Variants in XYLT1 observed in about 807,000 individuals in gnomAD.
XYLT1 encodes xylosyltransferase 1, also known as beta-D-xylosyltransferase 1.
A neutral mutation model predicts 91.3 loss-of-function variants in XYLT1; 36 were observed. The ratio of observed to expected loss-of-function variants is 0.39; its 90% CI spans 0.30 to 0.52. The LOEUF is 0.52. Ranked by LOEUF, XYLT1 falls within the 20% of genes least tolerant of loss-of-function variation. XYLT1 has a pLI of 0.68. For missense variants in XYLT1, 1,242 were observed against 1,284.5 expected, an observed-to-expected ratio of 0.97 and a Z score of 0.51; for synonymous variants, 588 against 532.0, an observed-to-expected ratio of 1.11 and a Z score of -1.45.
chr16:17,233,723 G>A lies in XYLT1; in HGVS notation c.913+25265C>T, dbSNP rs188035055. Among the ~76,000 whole-genome samples the A allele has an allele frequency of 6.6e-5, 10 of 152,334 alleles. No individual in the cohort carries two copies. In the East Asian group the frequency reaches 1.9e-3, roughly 29 times the overall value. On this transcript the variant is annotated intron_variant, in intron 3 of 11. Transcript: ENST00000261381. ...AGAGTGAGCAAGCAAGCCTGGGCCT[G>A]CAGTTCTCAAGGCAAGGGAGCCTGG...
intron 5 of XYLT1, among the ~76,000 whole-genome samples, chr16:17,168,172 TA>T (rs1179900063): frequency 6.6e-6 from 1 of 152,154 alleles, no homozygotes; most frequent in Non-Finnish European, 1.5e-5. Flanking sequence ...TTAACAATAG[TA>T]AAGACATGGG....
intron 2 of XYLT1, 125 bp from the exon 3 acceptor site, chr16:17,259,623 G>A: frequency 8.5e-7 from 1 of 1,177,330 alleles, no homozygotes; most frequent in Non-Finnish European, 1.2e-6. Flanking sequence ...TCCTACTTTT[G>A]CTACTGGTTT....
chr16:17,371,179 C>T (rs1254233357), intron 1 of XYLT1, among the ~76,000 whole-genome samples: 2 of 152,216 alleles, frequency 1.3e-5, no homozygotes, highest in Non-Finnish European at 2.9e-5. Flanking sequence ...AGTTGACTCC[C>T]ATGGATAGGG....
At chr16:17,413,024 TCAAGA>T (rs748999023) in intron 1 of XYLT1, among the ~76,000 whole-genome samples, 5 of 152,154 alleles carry the variant, frequency 3.3e-5, no homozygotes, top group Non-Finnish European at 5.9e-5. Context: ...CACCTTTTCC[TCAAGA>T]CTAGTCCAGA....
intron 1 of XYLT1, among the ~76,000 whole-genome samples, chr16:17,363,911 T>C (rs2035414422): frequency 6.6e-6 from 1 of 152,168 alleles, no homozygotes; most frequent in South Asian, 2.1e-4. Flanking sequence ...ACTCCTGACC[T>C]CAGGTGATCT....
At chr16:17,393,637 G>A (rs539008695) in intron 1 of XYLT1, among the ~76,000 whole-genome samples, 1 of 152,110 alleles carries the variant, frequency 6.6e-6, no homozygotes, top group Admixed American at 6.6e-5. Context: ...TATGAGTCTG[G>A]GTGTGGTGGC....
At chr16:17,370,485 G>A (rs980945832) in intron 1 of XYLT1, among the ~76,000 whole-genome samples, 2 of 152,218 alleles carry the variant, frequency 1.3e-5, no homozygotes, top group East Asian at 3.9e-4. Flanking sequence ...GGGAGGGCAG[G>A]ATGAGAAAGA....
At chr16:17,179,910 C>A (rs2032029046) in intron 5 of XYLT1, among the ~76,000 whole-genome samples, 1 of 152,190 alleles carries the variant, frequency 6.6e-6, no homozygotes, top group African/African-American at 2.4e-5. Context: ...ATCTTACATA[C>A]TGCAAGCGGC....
chr16:17,350,796 C>G (rs117212962), intron 2 of XYLT1, among the ~76,000 whole-genome samples: 1 of 152,116 alleles, frequency 6.6e-6, no homozygotes, highest in East Asian at 1.9e-4. Flanking sequence ...AAAGGTTAAT[C>G]GAAGCCCAGA....
chr16:17,172,778 T>C (rs933596187), intron 5 of XYLT1, among the ~76,000 whole-genome samples: 1 of 152,174 alleles, frequency 6.6e-6, no homozygotes, highest in African/African-American at 2.4e-5. Flanking sequence ...TGGCCGACTG[T>C]GTTCATTTCT....
At chr16:17,423,225 C>T (rs1216750932) in intron 1 of XYLT1, among the ~76,000 whole-genome samples, 2 of 152,186 alleles carry the variant, frequency 1.3e-5, no homozygotes, top group Non-Finnish European at 2.9e-5. Flanking sequence ...GCTTTCACTG[C>T]CCAGTGGGGC....
intron 2 of XYLT1, among the ~76,000 whole-genome samples, chr16:17,303,794 G>A (rs2034432167): frequency 6.6e-6 from 1 of 152,140 alleles, no homozygotes; most frequent in African/African-American, 2.4e-5. Context: ...GACAATCCAG[G>A]CATTTGACCA....
chr16:17,345,449 G>A (rs1261022185), intron 2 of XYLT1, among the ~76,000 whole-genome samples: 1 of 152,240 alleles, frequency 6.6e-6, no homozygotes, highest in Non-Finnish European at 1.5e-5. Flanking sequence ...AGGAGGCAGT[G>A]CATGGAGGCA....
At chr16:17,187,945 G>A (rs1567314190) in intron 5 of XYLT1, among the ~76,000 whole-genome samples, 1 of 151,870 alleles carries the variant, frequency 6.6e-6, no homozygotes, top group Non-Finnish European at 1.5e-5. Flanking sequence ...TGCATCTCAC[G>A]CTTGCTTCTC....
At chr16:17,157,153 G>A (rs1250237138) in intron 6 of XYLT1, among the ~76,000 whole-genome samples, 1 of 152,044 alleles carries the variant, frequency 6.6e-6, no homozygotes, top group Non-Finnish European at 1.5e-5. Context: ...TTACCATGTT[G>A]GCCAGGCTGG....
At chr16:17,410,645 C>CTTTT (rs954524793) in intron 1 of XYLT1, among the ~76,000 whole-genome samples, 4 of 93,032 alleles carry the variant, frequency 4.3e-5, no homozygotes, top group African/African-American at 7.6e-5. Flanking sequence ...CCTGTCATTA[C>CTTTT]TTTTTTTTTT....
At chr16:17,369,776 G>A (rs1435347195) in intron 1 of XYLT1, 3 of 152,262 alleles carry the variant, frequency 2.0e-5, no homozygotes, top group African/African-American at 7.2e-5. Context: ...GCAGAAGGCA[G>A]AACAGGAAGA....
At chr16:17,129,557 C>T (rs758656458) in intron 9 of XYLT1, among the ~76,000 whole-genome samples, 83 of 152,276 alleles carry the variant, frequency 5.5e-4, no homozygotes, top group Middle Eastern at 3.4e-3. Context: ...TCAGCCACTG[C>T]GCCAGGCCAA....
At chr16:17,164,576 T>C (rs764290533) in intron 5 of XYLT1, among the ~76,000 whole-genome samples, 13 of 152,202 alleles carry the variant, frequency 8.5e-5, no homozygotes, top group Non-Finnish European at 1.3e-4. Context: ...ACTTCCTCTC[T>C]GCTATTTTAA....
Sources: gnomAD v4.1 joint callset for allele counts (sites outside exome capture counted in the v4.1 genomes callset) on GRCh38, gnomAD v4.1.1 for gene constraint, MANE v1.5 for transcripts, NCBI Gene and HGNC (gene_info 2026-07-23, HGNC 2026-07-21) for gene names.